Variants in TMEM177 observed in about 807,000 individuals in gnomAD.
TMEM177 encodes transmembrane protein 177.
In TMEM177, 4 loss-of-function variants were observed where a neutral mutation model predicts 14.2. The ratio of observed to expected loss-of-function variants is 0.28; its 90% CI spans 0.14 to 0.64. TMEM177 has a LOEUF of 0.64. Among genes scored for constraint, TMEM177 ranks in the 30% least tolerant of loss-of-function variants. The probability of loss-of-function intolerance (pLI) is 0.82; values close to 1 mark genes in which losing one functional copy is unlikely to be tolerated. For missense variants in TMEM177, 344 were observed against 405.2 expected, an observed-to-expected ratio of 0.85 and a Z score of 1.30; for synonymous variants, 179 against 174.5, an observed-to-expected ratio of 1.03 and a Z score of -0.20.
downstream of TMEM177, chr2:119,686,438 G>T (rs1444117651): frequency 6.6e-6 from 1 of 152,192 alleles, no homozygotes; most frequent in Non-Finnish European, 1.5e-5. Context: ...AGTTTTCCCA[G>T]TGGCTATCAG....
chr2:119,716,089 G>A, the TMEM177 span, among the ~76,000 whole-genome samples: 2 of 152,202 alleles, frequency 1.3e-5, no homozygotes, highest in East Asian at 1.9e-4. Flanking sequence ...GACAACACAC[G>A]AGCAGATCCA....
At chr2:119,708,804 T>C in the TMEM177 span, among the ~76,000 whole-genome samples, 1 of 152,080 alleles carries the variant, frequency 6.6e-6, no homozygotes, top group East Asian at 1.9e-4. Context: ...TCTCCTCCCT[T>C]CTCTGGACCC....
chr2:119,690,252 C>T (rs542719222), downstream of TMEM177, among the ~76,000 whole-genome samples: 3 of 152,256 alleles, frequency 2.0e-5, no homozygotes, highest in East Asian at 3.9e-4. Flanking sequence ...CTTTCCCCTT[C>T]GCTCTCTCCT....
At chr2:119,687,341 T>C (rs1689031585), downstream of TMEM177, among the ~76,000 whole-genome samples, 1 of 152,174 alleles carries the variant, frequency 6.6e-6, no homozygotes, top group Admixed American at 6.5e-5. Flanking sequence ...TGAGACTGCA[T>C]GTATTAATCC....
chr2:119,705,694 G>A, the TMEM177 span, among the ~76,000 whole-genome samples: 18 of 148,122 alleles, frequency 1.2e-4, no homozygotes, highest in African/African-American at 4.5e-4. Context: ...CTTAATCAAG[G>A]GAGTGACAGT....
chr2:119,693,517 G>A, the TMEM177 span, among the ~76,000 whole-genome samples: 1 of 152,122 alleles, frequency 6.6e-6, no homozygotes, highest in Non-Finnish European at 1.5e-5. Flanking sequence ...TCTCAGGCTG[G>A]CCTGGGAGCC....
the TMEM177 span, among the ~76,000 whole-genome samples, chr2:119,708,146 C>A: frequency 6.6e-6 from 1 of 152,180 alleles, no homozygotes; most frequent in African/African-American, 2.4e-5. Context: ...AACCAATAAC[C>A]AATACTCTGC....
the TMEM177 span, among the ~76,000 whole-genome samples, chr2:119,695,047 C>T: frequency 6.6e-6 from 1 of 152,158 alleles, no homozygotes; most frequent in Non-Finnish European, 1.5e-5. Flanking sequence ...CTTTACAGCT[C>T]AGTGTCAGCG....
chr2:119,716,708 A>G, the TMEM177 span, among the ~76,000 whole-genome samples: 1 of 152,144 alleles, frequency 6.6e-6, no homozygotes, highest in Admixed American at 6.5e-5. Flanking sequence ...CAGAATATAG[A>G]TCCAATATTC....
chr2:119,696,805 A>C, the TMEM177 span, among the ~76,000 whole-genome samples: 1 of 152,076 alleles, frequency 6.6e-6, no homozygotes, highest in Non-Finnish European at 1.5e-5. Context: ...GGCACATTTG[A>C]AGTTGGAGCA....
chr2:119,691,149 G>A (rs569180093), downstream of TMEM177, among the ~76,000 whole-genome samples: 5 of 152,268 alleles, frequency 3.3e-5, no homozygotes, highest in African/African-American at 1.2e-4. Flanking sequence ...CAAATCTGTG[G>A]GCGCCTCTCC....
chr2:119,688,147 A>G (rs1689044267), downstream of TMEM177, among the ~76,000 whole-genome samples: 1 of 152,228 alleles, frequency 6.6e-6, no homozygotes, highest in Non-Finnish European at 1.5e-5. Flanking sequence ...AGACTACAGT[A>G]GAAGCATGGG....
the TMEM177 span, among the ~76,000 whole-genome samples, chr2:119,716,974 C>T: frequency 2.0e-5 from 3 of 152,176 alleles, no homozygotes; most frequent in African/African-American, 7.2e-5. Flanking sequence ...AGATGATGAA[C>T]ATGTTTACTT....
downstream of TMEM177, chr2:119,685,833 C>T (rs1452792073): frequency 3.2e-6 from 2 of 633,822 alleles, no homozygotes; most frequent in East Asian, 2.8e-5. Context: ...ACTGTGGACT[C>T]CATAGCCCTT....
downstream of TMEM177, among the ~76,000 whole-genome samples, chr2:119,691,109 G>A (rs1689087395): frequency 6.6e-6 from 1 of 152,180 alleles, no homozygotes. Flanking sequence ...CTGGAAGCCT[G>A]GAGTCCACTG....
the TMEM177 span, among the ~76,000 whole-genome samples, chr2:119,715,893 G>A: frequency 6.6e-6 from 1 of 152,336 alleles, no homozygotes; most frequent in East Asian, 1.9e-4. Flanking sequence ...GCTTGGGTCA[G>A]GTAGGCAACC....
chr2:119,700,596 T>C, the TMEM177 span, among the ~76,000 whole-genome samples: 152,193 of 152,300 alleles, frequency 1, 76,043 homozygotes, highest in Non-Finnish European at 1. Flanking sequence ...AGAACTTACC[T>C]ACAGTTGCAC....
chr2:119,705,619 C>CGTGTGTGTGTGT, the TMEM177 span, among the ~76,000 whole-genome samples: 2,341 of 139,212 alleles, frequency 0.017, 37 homozygotes, highest in Middle Eastern at 0.047. Flanking sequence ...CACTCAGATC[C>CGTGTGTGTGTGT]GTGTGTGTGT....
At chr2:119,719,752 A>G in the TMEM177 span, among the ~76,000 whole-genome samples, 1 of 152,268 alleles carries the variant, frequency 6.6e-6, no homozygotes, top group African/African-American at 2.4e-5. Flanking sequence ...CTAGGGCACA[A>G]AGTTTGAGGG....
Sources: allele counts gnomAD v4.1 joint callset (sites outside exome capture counted in the v4.1 genomes callset), GRCh38; gene constraint gnomAD v4.1.1; transcripts MANE v1.5; gene names NCBI Gene and HGNC (gene_info 2026-07-23, HGNC 2026-07-21).